Variants in FYN observed in about 807,000 individuals in gnomAD.
FYN encodes tyrosine-protein kinase Fyn.
Under a neutral mutation model 70.2 loss-of-function variants are expected in FYN, and 10 were observed. That is an observed-to-expected ratio of 0.14 (90% confidence interval 0.09 to 0.24). The LOEUF (loss-of-function observed/expected upper bound fraction) is 0.24. Among genes scored for constraint, FYN ranks in the 10% least tolerant of loss-of-function variants. The probability of loss-of-function intolerance (pLI) is 1.00; values close to 1 mark genes in which losing one functional copy is unlikely to be tolerated. For missense variants in FYN, 319 were observed against 673.1 expected, an observed-to-expected ratio of 0.47 and a Z score of 5.82; for synonymous variants, 236 against 248.6, an observed-to-expected ratio of 0.95 and a Z score of 0.48.
At chr6:111,718,969 G>A (rs1800801636) in intron 4 of FYN, among the ~76,000 whole-genome samples, 1 of 152,170 alleles carries the variant, frequency 6.6e-6, no homozygotes, top group South Asian at 2.1e-4. Context: ...TCCTCCCTAG[G>A]TGAAAAGGTA....
intron 2 of FYN, among the ~76,000 whole-genome samples, chr6:111,820,782 A>ATT (rs140149059): frequency 0.024 from 3,603 of 152,284 alleles, 123 homozygotes; most frequent in African/African-American, 0.077. Flanking sequence ...ATTATTCAAA[A>ATT]TGCTATGCTG....
chr6:111,688,224 T>G (rs11153312), intron 12 of FYN, among the ~76,000 whole-genome samples: 18,891 of 152,196 alleles, frequency 0.12, 2,822 homozygotes, highest in African/African-American at 0.35. Flanking sequence ...GGGCCAGAAC[T>G]TATGCTCTAG....
At chr6:111,868,320 G>A (rs114380683) in intron 1 of FYN, among the ~76,000 whole-genome samples, 1,576 of 152,200 alleles carry the variant, frequency 0.01, 26 homozygotes, top group African/African-American at 0.036. Context: ...AATAGAATAC[G>A]CAATGAATGA....
At chr6:111,686,168 CT>C (rs1203162804) in intron 12 of FYN, among the ~76,000 whole-genome samples, 1 of 152,132 alleles carries the variant, frequency 6.6e-6, no homozygotes, top group Non-Finnish European at 1.5e-5. Context: ...CCTGCTCCCC[CT>C]AACTATTAAT....
chr6:111,772,688 TAAACAA>T (rs1803496129), intron 3 of FYN, among the ~76,000 whole-genome samples: 1 of 152,184 alleles, frequency 6.6e-6, no homozygotes, highest in Non-Finnish European at 1.5e-5. Context: ...AAGAGCATGC[TAAACAA>T]TGCTGTGAAG....
chr6:111,754,558 G>A (rs1037828297), intron 3 of FYN: 6 of 152,128 alleles, frequency 3.9e-5, no homozygotes, highest in Admixed American at 6.5e-5. Context: ...GTTGCTATGC[G>A]TTGTTTTCCT....
intron 2 of FYN, chr6:111,844,744 G>A (rs1773471009): frequency 6.6e-6 from 1 of 152,204 alleles, no homozygotes. Flanking sequence ...GACACTCATT[G>A]CTCCTTCAGT....
intron 12 of FYN, among the ~76,000 whole-genome samples, chr6:111,682,845 T>C (rs1798835189): frequency 6.6e-6 from 1 of 152,202 alleles, no homozygotes; most frequent in South Asian, 2.1e-4. Context: ...GGAAGAACAG[T>C]TGATGTAAAA....
chr6:111,688,170 C>T (rs551355492), intron 12 of FYN, among the ~76,000 whole-genome samples: 26 of 152,282 alleles, frequency 1.7e-4, no homozygotes, highest in African/African-American at 6.0e-4. Flanking sequence ...TTAAAGGTAA[C>T]CAACACCAAT....
intron 3 of FYN, among the ~76,000 whole-genome samples, chr6:111,770,780 C>A (rs1293872183): frequency 2.0e-5 from 3 of 152,028 alleles, no homozygotes; most frequent in African/African-American, 7.2e-5. Flanking sequence ...GAGGGGTGTC[C>A]TCACTTTGGA....
At chr6:111,716,702 TA>T (rs200494595) in intron 4 of FYN, among the ~76,000 whole-genome samples, 4 of 149,440 alleles carry the variant, frequency 2.7e-5, no homozygotes, top group East Asian at 3.9e-4. Context: ...CATTAAATTA[TA>T]AAAAAAATTA....
intron 1 of FYN, among the ~76,000 whole-genome samples, chr6:111,850,362 C>T (rs1355543225): frequency 2.0e-5 from 3 of 152,194 alleles, no homozygotes. Context: ...TGCCAAAAAA[C>T]ATCTGTACAT....
At chr6:111,727,691 C>T (rs776587909) in intron 3 of FYN, among the ~76,000 whole-genome samples, 2 of 152,178 alleles carry the variant, frequency 1.3e-5, no homozygotes, top group East Asian at 1.9e-4. Context: ...CGATCATTTA[C>T]GCATGACTTT....
At chr6:111,708,127 C>T (rs1178886206) in intron 5 of FYN, 107 bp from the exon 6 acceptor site, 2 of 800,604 alleles carry the variant, frequency 2.5e-6, no homozygotes, top group East Asian at 2.6e-5. Flanking sequence ...TCCTGCCACC[C>T]GATTTCTCCA....
Position 111,732,430 on chromosome 6 carries a change from C to T in FYN, c.-11-12368G>A, listed in dbSNP as rs371261463. 6.8e-4 allele frequency among the ~76,000 whole-genome samples: 103 copies of T among 152,338 alleles called. 2 individuals carry two copies. The highest frequency in any genetic ancestry group is 2.6e-4 in the Admixed American group (4 of 15,306). ...GGGTTGCCCTGGGTCTAAAGGGACA[C>T]GGCCTTGGCAATCTTGCAGCCCAAA... is the stretch of plus-strand genomic sequence containing the variant. On this transcript the variant is annotated intron_variant, in intron 3 of 13. Coordinates refer to ENST00000354650, the MANE Select transcript of FYN (RefSeq NM_002037.5).
intron 3 of FYN, among the ~76,000 whole-genome samples, chr6:111,725,730 G>C (rs1583367515): frequency 6.6e-6 from 1 of 152,212 alleles, no homozygotes; most frequent in African/African-American, 2.4e-5. Context: ...CTGCCAACTG[G>C]AGGGAGTGAA....
Position 111,661,984 on chromosome 6 carries a change from G to A in FYN, c.1406-37C>T. 7 of 1,541,790 alleles carry A rather than the reference G, an allele frequency of 4.5e-6. No homozygotes were observed. The highest frequency in any genetic ancestry group is 6.2e-6 in the Non-Finnish European group (7 of 1,135,966). On this transcript the variant is annotated intron_variant, in intron 13 of 13. Transcript: ENST00000354650. The surrounding 1 kb of genome is among the most constrained non-coding windows in gnomAD (Gnocchi z 4.0). ...AGCGCAGTGAGAGTGGGCACCCCGG[G>A]GATCCAGGCCCTGACCGCCGCACTT...
chr6:111,843,748 G>A (rs1453529150), intron 2 of FYN, among the ~76,000 whole-genome samples: 1 of 152,186 alleles, frequency 6.6e-6, no homozygotes, highest in Non-Finnish European at 1.5e-5. Flanking sequence ...GCTTGGCACA[G>A]ATAAGGATTC....
At chr6:111,837,089 G>A (rs562292737) in intron 2 of FYN, among the ~76,000 whole-genome samples, 1 of 152,104 alleles carries the variant, frequency 6.6e-6, no homozygotes, top group African/African-American at 2.4e-5. Context: ...TTACCAGTGA[G>A]GCCTTCCCAC....
Sources: allele counts gnomAD v4.1 joint callset (sites outside exome capture counted in the v4.1 genomes callset), GRCh38; gene constraint gnomAD v4.1.1; non-coding constraint Gnocchi (gnomAD v3.1); transcripts MANE v1.5; gene names NCBI Gene and HGNC (gene_info 2026-07-23, HGNC 2026-07-21).